DSG2: variants seen among roughly 807,000 people sequenced by gnomAD.
The protein encoded by DSG2 is desmoglein 2.
A neutral mutation model predicts 75.6 loss-of-function variants in DSG2; 45 were observed. The observed-to-expected ratio is 0.60, with a 90% CI of 0.47 to 0.76. DSG2 has a LOEUF of 0.76. DSG2 is among the 30% of genes least tolerant of loss of function. The pLI is 0.00. For synonymous variants in DSG2, 429 were observed against 483.9 expected (o/e 0.89, Z 1.49); for missense variants, 1,267 against 1,357.4 (o/e 0.93, Z 1.05).
At chr18:31,526,389 A>G (rs922191393) in intron 8 of DSG2, among the ~76,000 whole-genome samples, 1 of 152,192 alleles carries the variant, frequency 6.6e-6, no homozygotes, top group Non-Finnish European at 1.5e-5. Context: ...CAGAATAGGG[A>G]AGAATTAACT....
At chr18:31,513,134 TA>T (rs1296083622) in intron 1 of DSG2, among the ~76,000 whole-genome samples, 3 of 152,168 alleles carry the variant, frequency 2.0e-5, no homozygotes, top group African/African-American at 7.2e-5. Flanking sequence ...AAAACCCAAC[TA>T]AAACTAGGTT....
chr18:31,541,069 A>C, intron 12 of DSG2, 124 bp from the exon 13 acceptor site: 1 of 1,281,348 alleles, frequency 7.8e-7, no homozygotes, highest in Non-Finnish European at 1.1e-6. Context: ...AGAAAAGAAA[A>C]ATAGAGCTGT....
Position 31,541,183 on chromosome 18 carries a change from GTCTGTACAGTGGTACC to G in DSG2, c.1880-9_1886del. The G allele has an allele frequency of 6.2e-7, 1 of 1,614,130 alleles. No individual in the cohort carries two copies. Among genetic ancestry groups the G allele is most frequent in the Non-Finnish European group, 8.5e-7 (1 of 1,179,968 alleles). On this transcript the variant is annotated splice_acceptor_variant and splice_polypyrimidine_tract_variant and coding_sequence_variant and intron_variant, in exon 13 of 15. Coordinates refer to ENST00000261590, the MANE Select transcript of DSG2 (RefSeq NM_001943.5). LOFTEE classifies it high-confidence loss of function. ...TAACCTTATCTGTGTTCAATTTTGTGTCTGTACAGTGGTACCACTTTTACTGCTGATGTGCCATTGC... is the reference window on the plus strand; with the variant it reads ...TAACCTTATCTGTGTTCAATTTTGTGACTTTTACTGCTGATGTGCCATTGC...
At chr18:31,533,649 T>A (rs2073211017) in intron 9 of DSG2, among the ~76,000 whole-genome samples, 1 of 152,214 alleles carries the variant, frequency 6.6e-6, no homozygotes, top group Admixed American at 6.5e-5. Context: ...TTATTATCAG[T>A]ATGAATGTTG....
At position 31,524,783 on chromosome 18, in the gene DSG2, T is replaced by A. The variant is rs768021145; in HGVS notation, c.909T>A (p.Ser303=). 1 of 1,614,210 alleles carries A rather than the reference T, an allele frequency of 6.2e-7. No homozygotes were observed. Among genetic ancestry groups the A allele is most frequent in the Non-Finnish European group, 8.5e-7 (1 of 1,180,022 alleles). Residue 303 remains serine (S), a synonymous_variant, in exon 8 of 15, where the codon TCT becomes TCA. Transcript: ENST00000261590. ...TGTTCGATGCAGATGAAATAGGTTC[T>A]GATAATTGGCTGGCAAATTTTACAT... The part of the protein sequence containing the change: ...IKVFDADEIG[S]DNWLANFTFA...
chr18:31,503,505 A>T (rs2073024417), intron 1 of DSG2, among the ~76,000 whole-genome samples: 1 of 152,232 alleles, frequency 6.6e-6, no homozygotes, highest in South Asian at 2.1e-4. Flanking sequence ...GTATAGGAAG[A>T]TAGGCCTTCA....
chr18:31,510,586 G>T (rs1027735010), intron 1 of DSG2, among the ~76,000 whole-genome samples: 10 of 150,814 alleles, frequency 6.6e-5, no homozygotes, highest in East Asian at 1.9e-4. Flanking sequence ...TCATGCCTCT[G>T]CAGGAAAAAA....
intron 14 of DSG2, among the ~76,000 whole-genome samples, chr18:31,543,864 TAAAAAAAAAAAA>T (rs576034927): frequency 1.1e-5 from 1 of 94,858 alleles, no homozygotes; most frequent in Non-Finnish European, 2.1e-5. Flanking sequence ...AAACTCTGTC[TAAAAAAAAAAAA>T]AAAAAAAAGT....
intron 1 of DSG2, among the ~76,000 whole-genome samples, chr18:31,508,794 CCTCTT>C (rs1340543461): frequency 6.6e-6 from 1 of 152,158 alleles, no homozygotes; most frequent in Non-Finnish European, 1.5e-5. Flanking sequence ...TCCAGGCTCT[CCTCTT>C]CTTCCCTTTC....
At chr18:31,523,615 C>A (rs946999101) in intron 6 of DSG2, among the ~76,000 whole-genome samples, 3 of 152,110 alleles carry the variant, frequency 2.0e-5, no homozygotes, top group Admixed American at 2.0e-4. Flanking sequence ...AAAGTTTAGC[C>A]AATAATAATG....
At chr18:31,499,968 T>A (rs1431228900) in intron 1 of DSG2, among the ~76,000 whole-genome samples, 1 of 151,806 alleles carries the variant, frequency 6.6e-6, no homozygotes, top group African/African-American at 2.4e-5. Flanking sequence ...ATATGTTTAT[T>A]TTTGTCCAGA....
chr18:31,542,257 T>C (rs902812803), intron 13 of DSG2: 1 of 527,196 alleles, frequency 1.9e-6, no homozygotes, highest in African/African-American at 1.9e-5. Flanking sequence ...TGAAATGCCA[T>C]TGGTCGCATA....
At chr18:31,514,039 G>A (rs953565562) in intron 1 of DSG2, among the ~76,000 whole-genome samples, 6 of 152,318 alleles carry the variant, frequency 3.9e-5, no homozygotes, top group African/African-American at 1.4e-4. Context: ...GGATATAAAG[G>A]AGAAGTGATC....
At chr18:31,503,700 A>C (rs1221612199) in intron 1 of DSG2, among the ~76,000 whole-genome samples, 3 of 152,198 alleles carry the variant, frequency 2.0e-5, no homozygotes, top group African/African-American at 2.4e-5. Context: ...ACAGGCATTG[A>C]GGACTTGGTA....
Position 31,538,822 on chromosome 18 carries a change from A to G in DSG2, c.1723A>G (p.Asn575Asp). 1 of 1,614,222 alleles carries G rather than the reference A, an allele frequency of 6.2e-7. No individual in the cohort carries two copies. The highest frequency in any genetic ancestry group is 8.5e-7 in the Non-Finnish European group (1 of 1,180,044). Residue 575 changes from asparagine to aspartate, a missense_variant, in exon 12 of 15, where the codon AAT becomes GAT. Physicochemically the swap from Asn to Asp is conservative, Grantham distance 23. Transcript: ENST00000261590. ...RSEIQFLISDNQGFSCPEKQV... is the reference protein window; with the variant it reads ...RSEIQFLISDDQGFSCPEKQV... Reference sequence around the variant, plus strand: ...TGAAATTCAGTTCCTGATTTCAGACAATCAGGGTTTTAGTTGTCCTGAAAA... The same window carrying G: ...TGAAATTCAGTTCCTGATTTCAGACGATCAGGGTTTTAGTTGTCCTGAAAA...
intron 1 of DSG2, among the ~76,000 whole-genome samples, chr18:31,500,596 A>T (rs116536880): frequency 0.013 from 1,962 of 152,162 alleles, 32 homozygotes; most frequent in African/African-American, 0.043. Context: ...TTCAAATCTC[A>T]TGTAAATACT....
Position 31,548,024 on chromosome 18 carries a change from C to G in DSG2, c.*1281C>G, listed in dbSNP as rs1027621641. 2.0e-5 allele frequency: 3 copies of G among 152,024 alleles called. No homozygotes were observed. The highest frequency in any genetic ancestry group is 2.0e-4 in the Admixed American group (3 of 15,274). 9.4% of individuals were successfully genotyped at this position (152,024 alleles called of 1,614,324 possible). A position where few individuals can be genotyped will look rare whatever the true frequency, so the allele number is the denominator to read the frequency against. ...AACCATTCGTTTTTGTTTACAATTG[C>G]CAAAAATCTCAAAAGGCCCTGTATT... On this transcript the variant is annotated 3_prime_UTR_variant, in exon 15 of 15. Transcript: ENST00000261590.
Position 31,526,744 on chromosome 18 carries a change from A to G in DSG2, c.1014+1856A>G, listed in dbSNP as rs895351821. On this transcript the variant is annotated intron_variant, in intron 8 of 14. Transcript: ENST00000261590. Reference sequence around the variant, plus strand: ...AACGTTTCAGTCAGTGACAGACTACATATATGACGATGGCCCCGTTAAATT... The same window carrying G: ...AACGTTTCAGTCAGTGACAGACTACGTATATGACGATGGCCCCGTTAAATT... Among the ~76,000 whole-genome samples, 14 of 152,192 alleles carry G rather than the reference A, an allele frequency of 9.2e-5. No individual in the cohort carries two copies. In the East Asian group the frequency reaches 1.7e-3, roughly 19 times the overall value.
intron 8 of DSG2, among the ~76,000 whole-genome samples, chr18:31,525,569 A>G (rs2073158423): frequency 6.6e-6 from 1 of 151,898 alleles, no homozygotes; most frequent in Non-Finnish European, 1.5e-5. Flanking sequence ...CCTCACTAAT[A>G]ACATCTAAAA....
Sources: allele counts gnomAD v4.1 joint callset (sites outside exome capture counted in the v4.1 genomes callset), GRCh38; gene constraint gnomAD v4.1.1; transcripts MANE v1.5; gene names NCBI Gene and HGNC (gene_info 2026-07-23, HGNC 2026-07-21).